KCNN2: variants seen among roughly 807,000 people sequenced by gnomAD.
KCNN2 encodes small conductance calcium-activated potassium channel protein 2.
In KCNN2, 24 loss-of-function variants were observed where a neutral mutation model predicts 55.5. The observed-to-expected ratio is 0.43, with a 90% CI of 0.31 to 0.61. KCNN2 has a LOEUF of 0.61. Among genes scored for constraint, KCNN2 ranks in the 20% least tolerant of loss-of-function variants. The pLI, the probability that KCNN2 is intolerant of heterozygous loss-of-function variation, is 0.08. For synonymous variants in KCNN2, 431 were observed against 336.1 expected, an observed-to-expected ratio of 1.28 and a Z score of -3.09; for missense variants, 754 against 853.6, an observed-to-expected ratio of 0.88 and a Z score of 1.45.
chr5:114,447,438 T>A (rs764606654), intron 3 of KCNN2, among the ~76,000 whole-genome samples: 1 of 152,256 alleles, frequency 6.6e-6, no homozygotes, highest in Non-Finnish European at 1.5e-5. Context: ...GGTTCTTGTT[T>A]GGGAAGTATA....
At chr5:114,182,826 C>T (rs1455910559) in intron 1 of KCNN2, among the ~76,000 whole-genome samples, 2 of 151,902 alleles carry the variant, frequency 1.3e-5, no homozygotes, top group African/African-American at 4.8e-5. Context: ...GATAGTTTTA[C>T]TTCTTTATTT....
At chr5:114,154,556 A>G (rs552793951) in intron 1 of KCNN2, among the ~76,000 whole-genome samples, 1 of 152,176 alleles carries the variant, frequency 6.6e-6, no homozygotes, top group Admixed American at 6.5e-5. Flanking sequence ...TGCTGTAAAT[A>G]CCCTTTTACT....
intron 1 of KCNN2, among the ~76,000 whole-genome samples, chr5:114,209,228 A>G (rs1267745190): frequency 2.6e-5 from 4 of 151,214 alleles, no homozygotes; most frequent in Non-Finnish European, 4.4e-5. Context: ...CTAATTTTTA[A>G]TTTTTGCCTT....
At chr5:114,315,978 AC>A (rs1279954295) in intron 2 of KCNN2, among the ~76,000 whole-genome samples, 6 of 149,494 alleles carry the variant, frequency 4.0e-5, no homozygotes, top group Admixed American at 6.7e-5. Context: ...GGCAAAAAAA[AC>A]CATTTGGTCT....
intron 1 of KCNN2, among the ~76,000 whole-genome samples, chr5:114,113,016 A>T (rs985886285): frequency 3.3e-5 from 5 of 152,046 alleles, no homozygotes; most frequent in African/African-American, 1.2e-4. Context: ...CTGAGAGAGG[A>T]ATGCACTTAT....
intron 2 of KCNN2, among the ~76,000 whole-genome samples, chr5:114,353,029 A>T (rs181906194): frequency 7.6e-4 from 115 of 152,000 alleles, no homozygotes; most frequent in Non-Finnish European, 1.2e-4. Flanking sequence ...TGTACTTTCA[A>T]TTCTGGCAGT....
In KCNN2 at chr5:114,091,838, C is replaced by T. The variant is rs560980864; in HGVS notation, c.-271+35338C>T. 2.0e-4 allele frequency among the ~76,000 whole-genome samples: 30 copies of T among 152,240 alleles called. No individual in the cohort carries two copies. In the East Asian group the frequency reaches 4.1e-3, roughly 21 times the overall value. On this transcript the variant is annotated intron_variant, in intron 1 of 10. Coordinates refer to the KCNN2 transcript ENST00000512097. ...GAACAGCAATGTGGAAAACTGCTTCCGTGATTCACTTACCTCCACCTGGTC... is the reference window on the plus strand; with the variant it reads ...GAACAGCAATGTGGAAAACTGCTTCTGTGATTCACTTACCTCCACCTGGTC...
chr5:114,164,316 A>T (rs955840584), intron 1 of KCNN2, among the ~76,000 whole-genome samples: 1 of 152,284 alleles, frequency 6.6e-6, no homozygotes, highest in Admixed American at 6.5e-5. Flanking sequence ...ATATTAATAT[A>T]TCCTTTAACT....
chr5:114,455,553 C>T (rs1342613072), intron 3 of KCNN2, among the ~76,000 whole-genome samples: 1 of 152,170 alleles, frequency 6.6e-6, no homozygotes, highest in Non-Finnish European at 1.5e-5. Context: ...CAAGTGTTCA[C>T]GTGACAAGAA....
At chr5:114,124,015 G>A (rs1009151292) in intron 1 of KCNN2, among the ~76,000 whole-genome samples, 7 of 152,138 alleles carry the variant, frequency 4.6e-5, no homozygotes, top group African/African-American at 1.7e-4. Context: ...CACAGAAAAA[G>A]CTAAATCTCA....
chr5:114,230,273 TTTTTTCTTTCTTTC>T (rs1225166469), intron 2 of KCNN2, among the ~76,000 whole-genome samples: 36 of 123,900 alleles, frequency 2.9e-4, no homozygotes, highest in African/African-American at 1.1e-3. Flanking sequence ...TATTCTTTTT[TTTTTTCTTTCTTTC>T]TTTTTTTTAT....
intron 2 of KCNN2, among the ~76,000 whole-genome samples, chr5:114,279,130 A>G (rs1476162877): frequency 6.6e-6 from 1 of 152,042 alleles, no homozygotes; most frequent in Admixed American, 6.6e-5. Context: ...TGTAATAATA[A>G]TGCCCTTGCC....
rs778187184 is a variant in KCNN2 at position 114,404,455 on chromosome 5, T to C, written c.1236T>C (p.Asn412=). ...AREIQLFMVD[N]GADDWRIAMT... ...TTTTTCAGTTGTTCATGGTGGACAATGGAGCAGATGACTGGAGAATAGCCA... is the reference window on the plus strand; with the variant it reads ...TTTTTCAGTTGTTCATGGTGGACAACGGAGCAGATGACTGGAGAATAGCCA... The change falls in exon 3 of 8, where the codon AAT becomes AAC. Residue 412 remains asparagine, a synonymous_variant. Transcript: ENST00000673685. The C allele has an allele frequency of 2.0e-5, 32 of 1,612,840 alleles. No individual in the cohort carries two copies. Among genetic ancestry groups the C allele is most frequent in the Admixed American group, 3.3e-5 (2 of 60,012 alleles).
chr5:114,141,188 T>C (rs1752271702), intron 1 of KCNN2, among the ~76,000 whole-genome samples: 1 of 152,092 alleles, frequency 6.6e-6, no homozygotes, highest in African/African-American at 2.4e-5. Context: ...TGTGCAGGTT[T>C]GTTACATATG....
chr5:114,390,379 A>C (rs995288980), intron 2 of KCNN2, among the ~76,000 whole-genome samples: 3 of 152,190 alleles, frequency 2.0e-5, no homozygotes, highest in Non-Finnish European at 4.4e-5. Context: ...TTCTCATTTC[A>C]TCTAACCTTT....
chr5:114,209,788 G>A (rs140016585), intron 1 of KCNN2, among the ~76,000 whole-genome samples: 4,478 of 152,208 alleles, frequency 0.029, 222 homozygotes, highest in African/African-American at 0.1. Flanking sequence ...ACCCAGATGC[G>A]TATTGCTGAA....
chr5:114,467,214 G>T (rs1232886499), intron 4 of KCNN2, among the ~76,000 whole-genome samples: 1 of 152,160 alleles, frequency 6.6e-6, no homozygotes, highest in Non-Finnish European at 1.5e-5. Context: ...GCACGAATTA[G>T]CTAGAGCTCA....
chr5:114,185,100 T>A (rs1205351572), intron 1 of KCNN2, among the ~76,000 whole-genome samples: 1 of 152,172 alleles, frequency 6.6e-6, no homozygotes, highest in Non-Finnish European at 1.5e-5. Flanking sequence ...TTAACCCTTA[T>A]GAGAAAGTTG....
chr5:114,160,276 A>G (rs1392964688), intron 1 of KCNN2, among the ~76,000 whole-genome samples: 2 of 152,212 alleles, frequency 1.3e-5, no homozygotes, highest in Admixed American at 1.3e-4. Context: ...ATAGTCGTTC[A>G]GGAGCAGGTT....
Sources: allele counts gnomAD v4.1 joint callset (sites outside exome capture counted in the v4.1 genomes callset), GRCh38; gene constraint gnomAD v4.1.1; transcripts MANE v1.5; gene names NCBI Gene and HGNC (gene_info 2026-07-23, HGNC 2026-07-21).